The following DHX37 variants were observed in gnomAD, a reference collection of about 807,000 sequenced individuals.
DHX37 encodes probable ATP-dependent RNA helicase DHX37.
A neutral mutation model predicts 134.3 loss-of-function variants in DHX37; 52 were observed. That is an observed-to-expected ratio of 0.39 (90% CI 0.31 to 0.49). The LOEUF is 0.49. DHX37 is among the 20% of genes least tolerant of loss of function. The pLI is 0.93. For missense variants in DHX37, 1,344 were observed against 1,580.8 expected (o/e 0.85, Z 2.54); for synonymous variants, 634 against 670.7 (o/e 0.95, Z 0.85).
intron 7 of DHX37, among the ~76,000 whole-genome samples, chr12:124,972,142 G>C (rs1046691455): frequency 6.6e-6 from 1 of 152,252 alleles, no homozygotes; most frequent in Non-Finnish European, 1.5e-5. Flanking sequence ...CCGCAGGGCA[G>C]AGCCTGCACA....
At chr12:124,960,606 A>C (rs1434579813) in intron 15 of DHX37, among the ~76,000 whole-genome samples, 183 bp from the exon 16 acceptor site, 1 of 152,212 alleles carries the variant, frequency 6.6e-6, no homozygotes, top group Non-Finnish European at 1.5e-5. Flanking sequence ...CTCACCTGTG[A>C]AATGCAGCTC....
At chr12:124,954,269 G>C (rs1051096213) in intron 18 of DHX37, 58 bp from the exon 19 acceptor site, 48 of 1,515,166 alleles carry the variant, frequency 3.2e-5, no homozygotes, top group Admixed American at 4.5e-5. Context: ...CAGGGCCTCA[G>C]CGGGGGGAAC....
At chr12:124,976,302 T>A (rs1214778811) in intron 5 of DHX37, among the ~76,000 whole-genome samples, 1 of 152,232 alleles carries the variant, frequency 6.6e-6, no homozygotes, top group Non-Finnish European at 1.5e-5. Flanking sequence ...CATAGCCATG[T>A]GCAGGATAAC....
chr12:124,961,156 A>ACG (rs1298764925), intron 15 of DHX37, among the ~76,000 whole-genome samples: 3 of 151,024 alleles, frequency 2.0e-5, no homozygotes, highest in African/African-American at 7.4e-5. Context: ...ACGCACGCAC[A>ACG]CACACTTACA....
chr12:124,961,273 T>TGCACACACGCACACACACACGCGTGCAC (rs1555275484), intron 15 of DHX37, among the ~76,000 whole-genome samples: 1 of 102,654 alleles, frequency 9.7e-6, no homozygotes, highest in African/African-American at 3.8e-5. Context: ...CATACACGCG[T>TGCACACACGCACACACACACGCGTGCAC]GCACGCACAC....
At chr12:124,976,045 G>A (rs146953562) in intron 5 of DHX37, among the ~76,000 whole-genome samples, 2 of 152,300 alleles carry the variant, frequency 1.3e-5, no homozygotes, top group East Asian at 1.9e-4. Flanking sequence ...CCTTTTAGGC[G>A]TCTAGGATTT....
intron 15 of DHX37, among the ~76,000 whole-genome samples, chr12:124,961,289 T>TACACGCGTGCACGCACACAC (rs1954256490): frequency 3.7e-5 from 3 of 81,890 alleles, no homozygotes; most frequent in African/African-American, 1.2e-4. Flanking sequence ...CACACACACT[T>TACACGCGTGCACGCACACAC]ACACGCGTGC....
intron 7 of DHX37, among the ~76,000 whole-genome samples, chr12:124,971,960 C>G (rs1185228655): frequency 6.6e-6 from 1 of 152,224 alleles, no homozygotes; most frequent in African/African-American, 2.4e-5. Flanking sequence ...ATGGAAAGTC[C>G]TTGGGACGCA....
At chr12:124,960,170 T>A (rs1954203500) in intron 16 of DHX37, 142 bp downstream of exon 16, 7 of 1,411,466 alleles carry the variant, frequency 5.0e-6, no homozygotes, top group Non-Finnish European at 6.7e-6. Flanking sequence ...CCAGAAGCCC[T>A]GGGAGCACCT....
At chr12:124,956,304 C>T (rs1954092521) in intron 18 of DHX37, among the ~76,000 whole-genome samples, 1 of 152,208 alleles carries the variant, frequency 6.6e-6, no homozygotes, top group Non-Finnish European at 1.5e-5. Flanking sequence ...CCAGAAATCT[C>T]TGCAGAAATG....
At chr12:124,983,766 C>A (rs1165826191) in intron 2 of DHX37, among the ~76,000 whole-genome samples, 1 of 140,724 alleles carries the variant, frequency 7.1e-6, no homozygotes, top group Non-Finnish European at 1.5e-5. Flanking sequence ...GCCTGGGCAA[C>A]AGAGCAAGAC....
At position 124,950,224 on chromosome 12, in the gene DHX37, G is replaced by A. The variant is rs947686199; in HGVS notation, c.3141C>T (p.Leu1047=). 4.3e-6 allele frequency: 7 copies of A among 1,613,690 alleles called. No homozygotes were observed. The African/African-American group carries it at 5.3e-5, about 12-fold the overall frequency. The change falls in exon 24 of 27, where the codon CTC becomes CTT. Residue 1047 remains leucine, a synonymous_variant. Transcript: ENST00000308736. The stretch of plus-strand genomic sequence containing the variant: ...CTGGAAAATCCACCTCGATGGCGGG[G>A]AGCGGCCAGCCCACGCGATCTAGAA... The part of the protein sequence containing the change: ...ASVFYRVGWP[L]PAIEVDFPEG...
chr12:124,982,652 T>C lies in DHX37; in HGVS notation c.277-29A>G, dbSNP rs1440979089. The C allele has an allele frequency of 2.5e-6, 4 of 1,606,326 alleles. No homozygotes were observed. The East Asian group carries it at 9.0e-5, about 36-fold the overall frequency. Reference sequence around the variant, plus strand: ...GGAAAGGAAACGAGTGTATTATGCATTTGCCATCACGACCCTCTCTTAAGA... The same window carrying C: ...GGAAAGGAAACGAGTGTATTATGCACTTGCCATCACGACCCTCTCTTAAGA... On this transcript the variant is annotated intron_variant, in intron 2 of 26. Coordinates refer to ENST00000308736, the MANE Select transcript of DHX37 (RefSeq NM_032656.4).
In DHX37 at chr12:124,965,743, C is replaced by T. The variant is rs779988261; in HGVS notation, c.1660G>A (p.Ala554Thr). ...GCCCCCTCTTCCTCATCCACTTCTGCCTCCCTGTCCTCATCGCCTTCGCCT... is the reference window on the plus strand; with the variant it reads ...GCCCCCTCTTCCTCATCCACTTCTGTCTCCCTGTCCTCATCGCCTTCGCCT... ...PAGEGDEDRE[A>T]EVDEEEGALD... The change falls in exon 13 of 27, where the codon GCA (alanine) becomes ACA (threonine). Residue 554 changes from alanine (A) to threonine (T), a missense_variant. Around this residue, in one of 7 missense-constraint regions of DHX37, gnomAD observed 289 missense variants for 323.8 expected, o/e 0.89. Transcript: ENST00000308736. The T allele has an allele frequency of 9.9e-6, 16 of 1,613,878 alleles. No homozygotes were observed. In the Middle Eastern group the frequency reaches 4.9e-4, roughly 50 times the overall value.
chr12:124,958,115 C>T (rs778307376), intron 16 of DHX37, among the ~76,000 whole-genome samples: 1 of 152,216 alleles, frequency 6.6e-6, no homozygotes, highest in African/African-American at 2.4e-5. Flanking sequence ...AGGGTACATG[C>T]TTCCTTTCTG....
At chr12:124,963,303 G>A (rs1418119942) in intron 15 of DHX37, among the ~76,000 whole-genome samples, 3 of 152,174 alleles carry the variant, frequency 2.0e-5, no homozygotes, top group African/African-American at 7.2e-5. Flanking sequence ...CCCACAACAG[G>A]CACATCCCTA....
Position 124,949,610 on chromosome 12 carries a change from A to C in DHX37, c.3290+376T>G, listed in dbSNP as rs1390307139. Among the ~76,000 whole-genome samples the C allele has an allele frequency of 6.6e-6, 1 of 152,142 alleles. No individual in the cohort carries two copies. Among genetic ancestry groups the C allele is most frequent in the African/African-American group, 2.4e-5 (1 of 41,430 alleles). The stretch of plus-strand genomic sequence containing the variant: ...ACATCAGCGTGTGACCTTATATGGA[A>C]AGAGGGTCACTGCAAATGTCATGAG... On this transcript the variant is annotated intron_variant, in intron 25 of 26. Transcript: ENST00000308736. The surrounding 1 kb of genome is among the most constrained non-coding windows in gnomAD (Gnocchi z 4.0).
intron 15 of DHX37, among the ~76,000 whole-genome samples, chr12:124,961,246 G>A (rs28490421): frequency 8.2e-6 from 1 of 122,484 alleles, no homozygotes; most frequent in South Asian, 2.6e-4. Flanking sequence ...ACATACACGC[G>A]TGCACGCACG....
chr12:124,987,959 T>C (rs1199623517), intron 1 of DHX37, among the ~76,000 whole-genome samples: 3 of 151,284 alleles, frequency 2.0e-5, no homozygotes, highest in African/African-American at 7.3e-5. Context: ...TTAGGGGATC[T>C]GCCTCAACTC....
Sources: allele counts gnomAD v4.1 joint callset (sites outside exome capture counted in the v4.1 genomes callset), GRCh38; gene constraint gnomAD v4.1.1; regional missense constraint gnomAD v4.1.1; non-coding constraint Gnocchi (gnomAD v3.1); transcripts MANE v1.5; gene names NCBI Gene and HGNC (gene_info 2026-07-23, HGNC 2026-07-21).